The following ARL10 variants were observed in gnomAD, a reference collection of about 807,000 sequenced individuals.
ARL10 encodes ADP-ribosylation factor-like protein 10.
A neutral mutation model predicts 26.1 loss-of-function variants in ARL10; 23 were observed. The observed-to-expected ratio is 0.88, with a 90% CI of 0.63 to 1.25. The LOEUF (loss-of-function observed/expected upper bound fraction) is 1.25. Ranked by LOEUF, ARL10 falls within the 50% of genes most tolerant of loss-of-function variation. The pLI is 0.00. For missense variants in ARL10, 300 were observed against 323.6 expected, an observed-to-expected ratio of 0.93 and a Z score of 0.56; for synonymous variants, 138 against 149.1, an observed-to-expected ratio of 0.93 and a Z score of 0.54.
downstream of ARL10, among the ~76,000 whole-genome samples, chr5:176,404,375 G>C (rs192949725): frequency 9.8e-5 from 15 of 152,362 alleles, no homozygotes; most frequent in African/African-American, 3.6e-4. Flanking sequence ...AGAAGCGTCC[G>C]GGGCTGCAGA....
At chr5:176,367,069 G>T (rs370970934) in intron 2 of ARL10, among the ~76,000 whole-genome samples, 1 of 144,120 alleles carries the variant, frequency 6.9e-6, no homozygotes, top group African/African-American at 2.6e-5. Context: ...GTGCAATGGC[G>T]CTGTCTCGGC....
At chr5:176,402,267 C>T (rs575441976), downstream of ARL10, among the ~76,000 whole-genome samples, 1 of 152,286 alleles carries the variant, frequency 6.6e-6, no homozygotes, top group East Asian at 1.9e-4. Flanking sequence ...CACTGTACTC[C>T]AGCCTAGGTA....
chr5:176,397,735 G>T, intron 1 of ARL10: 1 of 1,606,326 alleles, frequency 6.2e-7, no homozygotes, highest in Non-Finnish European at 8.5e-7. Context: ...CCCCACAAGA[G>T]AATGAGTGGC....
At chr5:176,394,780 A>C (rs939880112) in intron 1 of ARL10, among the ~76,000 whole-genome samples, 1 of 151,388 alleles carries the variant, frequency 6.6e-6, no homozygotes, top group African/African-American at 2.4e-5. Flanking sequence ...ATGCCACTGC[A>C]CTCCAGCCTG....
At position 176,379,942 on chromosome 5, in the gene ARL10, G is replaced by A. The variant is rs1289311969; in HGVS notation, c.*8047G>A. On this transcript the variant is annotated 3_prime_UTR_variant, in exon 4 of 4. Transcript: ENST00000310389. ...AGTCCTGAATCATAAGCTCTTATGA[G>A]GATTCTCAATTTTCCAGTACGTTTT... 6.6e-6 allele frequency: 1 copy of A among 152,180 alleles called. No individual in the cohort carries two copies. Among genetic ancestry groups the A allele is most frequent in the Non-Finnish European group, 1.5e-5 (1 of 68,036 alleles). The allele number at this position is 152,180 out of a possible 1,614,324, so 9.4% of individuals were successfully genotyped here.
intron 1 of ARL10, chr5:176,396,447 T>TC (rs781485327): frequency 6.3e-7 from 1 of 1,586,916 alleles, no homozygotes; most frequent in Non-Finnish European, 8.7e-7. Flanking sequence ...CCTCTCTAGC[T>TC]CCCCCAACAG....
At chr5:176,400,882 C>T (rs80335911) in intron 1 of ARL10, among the ~76,000 whole-genome samples, 1,628 of 152,292 alleles carry the variant, frequency 0.011, 16 homozygotes, top group Non-Finnish European at 0.017. Context: ...AGCAGGCACC[C>T]GGTTCAAGGA....
intron 1 of ARL10, chr5:176,386,959 G>A: frequency 6.7e-7 from 1 of 1,499,990 alleles, no homozygotes; most frequent in South Asian, 1.1e-5. Context: ...ATGAGGGAAA[G>A]TTATAGACTC....
the ARL10 span, among the ~76,000 whole-genome samples, chr5:176,411,087 CTCTT>C: frequency 6.6e-6 from 1 of 152,262 alleles, no homozygotes; most frequent in Non-Finnish European, 1.5e-5. Context: ...ATAACTGTGT[CTCTT>C]TCTCTTCTCC....
downstream of ARL10, chr5:176,384,631 ATAAAT>A (rs1755689533): frequency 5.8e-6 from 3 of 513,952 alleles, no homozygotes; most frequent in Non-Finnish European, 1.0e-5. Context: ...TCCAAAAACA[ATAAAT>A]TAACCATCCT....
Position 176,374,623 on chromosome 5 carries a change from C to T in ARL10, c.*2728C>T, listed in dbSNP as rs1768636382. The T allele has an allele frequency of 6.6e-6, 1 of 152,242 alleles. No homozygotes were observed. Among genetic ancestry groups the T allele is most frequent in the Non-Finnish European group, 1.5e-5 (1 of 68,034 alleles). 9.4% of individuals were successfully genotyped at this position (152,242 alleles called of 1,614,324 possible). A position where few individuals can be genotyped will look rare whatever the true frequency, so the allele number is the denominator to read the frequency against. On this transcript the variant is annotated 3_prime_UTR_variant, in exon 4 of 4. Transcript: ENST00000310389. ...ATAGTTCAACAGCGTGCAAGCTCTG[C>T]TGCTCATAGCCTGTTCAGGGTATAA...
At chr5:176,371,236 G>T (rs12517427) in intron 3 of ARL10, among the ~76,000 whole-genome samples, 2 of 152,068 alleles carry the variant, frequency 1.3e-5, no homozygotes, top group Admixed American at 6.5e-5. Context: ...TTAGCCAGGC[G>T]TGGTGGCTCA....
rs183665793 is a variant in ARL10, at chr5:176,372,462, G to A, written c.*567G>A. On this transcript the variant is annotated 3_prime_UTR_variant, in exon 4 of 4. Transcript: ENST00000310389. ...GGGCCATTATTTTTAAAGGGAGGTG[G>A]TTTCCTAATTCGGAGATGCCTTTCC... 424 of 159,244 alleles carry A rather than the reference G, an allele frequency of 2.7e-3. 1 individual carries two copies. The highest frequency in any genetic ancestry group is 9.5e-3 in the African/African-American group (400 of 41,894). 9.9% of individuals were successfully genotyped at this position (159,244 alleles called of 1,614,324 possible). A position where few individuals can be genotyped will look rare whatever the true frequency, so the allele number is the denominator to read the frequency against.
chr5:176,385,497 C>T (rs1407684026), downstream of ARL10, among the ~76,000 whole-genome samples: 3 of 152,204 alleles, frequency 2.0e-5, no homozygotes, highest in Non-Finnish European at 4.4e-5. Context: ...CCTCCTTCAG[C>T]CCCTTGGATC....
intron 1 of ARL10, among the ~76,000 whole-genome samples, chr5:176,394,723 A>G (rs186038037): frequency 0.027 from 4,053 of 152,134 alleles, 77 homozygotes; most frequent in African/African-American, 0.033. Flanking sequence ...GCCGAGGCAG[A>G]AGAATTGCTT....
At chr5:176,396,122 C>G (rs372808950) in intron 1 of ARL10, among the ~76,000 whole-genome samples, 2 of 152,218 alleles carry the variant, frequency 1.3e-5, no homozygotes, top group African/African-American at 4.8e-5. Flanking sequence ...GCAGCAAGAG[C>G]GAAACTCCAT....
chr5:176,396,107 C>T (rs1253488828), intron 1 of ARL10, among the ~76,000 whole-genome samples: 4 of 152,166 alleles, frequency 2.6e-5, no homozygotes, highest in Non-Finnish European at 4.4e-5. Context: ...TGCACTCCAT[C>T]CTGAGCAGCA....
chr5:176,385,772 GC>G (rs1169434493), downstream of ARL10, among the ~76,000 whole-genome samples: 1 of 152,162 alleles, frequency 6.6e-6, no homozygotes, highest in Non-Finnish European at 1.5e-5. Context: ...GAGATCTAGA[GC>G]TGCCGGGTCT....
exon 2 of ARL10, chr5:176,388,560 C>G (rs527818464): frequency 6.3e-7 from 1 of 1,590,838 alleles, no homozygotes; most frequent in Non-Finnish European, 8.6e-7. Context: ...ACCGCACCAG[C>G]AGCTCAAACA....
Sources: gnomAD v4.1 joint callset for allele counts (sites outside exome capture counted in the v4.1 genomes callset) on GRCh38, gnomAD v4.1.1 for gene constraint, MANE v1.5 for transcripts, NCBI Gene and HGNC (gene_info 2026-07-23, HGNC 2026-07-21) for gene names.